The following XKR7 variants were observed in gnomAD, a reference collection of about 807,000 sequenced individuals.
XKR7 encodes XK related 7, also known as XK-related protein 7.
A neutral mutation model predicts 42.2 loss-of-function variants in XKR7; 11 were observed. That is an observed-to-expected ratio of 0.26 (90% CI 0.16 to 0.43). The LOEUF (loss-of-function observed/expected upper bound fraction) is 0.43, where lower values mean the gene tolerates loss of function less well. Ranked by LOEUF, XKR7 falls within the 20% of genes least tolerant of loss-of-function variation. The pLI is 1.00. For synonymous variants in XKR7, 346 were observed against 366.4 expected (o/e 0.94, Z 0.64); for missense variants, 710 against 802.2 (o/e 0.89, Z 1.39).
chr20:31,993,861 G>T (rs1453529855), intron 1 of XKR7, among the ~76,000 whole-genome samples: 2 of 152,230 alleles, frequency 1.3e-5, no homozygotes, highest in African/African-American at 4.8e-5. Context: ...CAAAAGCTGA[G>T]CCTTGGAAGA....
At chr20:31,982,886 AC>A (rs2064519961) in intron 1 of XKR7, among the ~76,000 whole-genome samples, 1 of 152,100 alleles carries the variant, frequency 6.6e-6, no homozygotes, top group Non-Finnish European at 1.5e-5. Context: ...GCTCCTTGAA[AC>A]CTTCCATTGA....
intron 1 of XKR7, among the ~76,000 whole-genome samples, chr20:31,972,457 G>A (rs1342504180): frequency 6.6e-6 from 1 of 152,196 alleles, no homozygotes; most frequent in Non-Finnish European, 1.5e-5. Flanking sequence ...AGCTGGCTGT[G>A]GCCTGGACAC....
chr20:31,978,742 G>T (rs768362392), intron 1 of XKR7, among the ~76,000 whole-genome samples: 11 of 152,190 alleles, frequency 7.2e-5, no homozygotes, highest in Non-Finnish European at 1.5e-4. Context: ...TGAACATGTA[G>T]GTGTTAGAGA....
intron 1 of XKR7, among the ~76,000 whole-genome samples, chr20:31,992,766 C>T (rs934256760): frequency 4.6e-5 from 7 of 152,048 alleles, no homozygotes; most frequent in African/African-American, 1.7e-4. Flanking sequence ...CAGAGAGAGT[C>T]CCAGAATATT....
chr20:31,975,718 A>C (rs879697545), intron 1 of XKR7, among the ~76,000 whole-genome samples: 1 of 32,232 alleles, frequency 3.1e-5, no homozygotes, highest in Non-Finnish European at 6.4e-5. Context: ...TTGGGGCGGG[A>C]GGGGTGGGGT....
chr20:31,974,073 A>T (rs2064475487), intron 1 of XKR7, among the ~76,000 whole-genome samples: 1 of 152,102 alleles, frequency 6.6e-6, no homozygotes, highest in Non-Finnish European at 1.5e-5. Context: ...CGCACCTGTA[A>T]TCCCAGCTAC....
At position 31,995,264 on chromosome 20, in the gene XKR7, C is replaced by G. The variant is rs1435711093; in HGVS notation, c.781C>G (p.Leu261Val). The G allele has an allele frequency of 1.3e-6, 2 of 1,536,230 alleles. No homozygotes were observed. The highest frequency in any genetic ancestry group is 8.7e-7 in the Non-Finnish European group (1 of 1,146,138). The change falls in exon 2 of 3, where the codon CTG becomes GTG. Residue 261 changes from leucine (L) to valine (V), a missense_variant. Physicochemically the swap from Leu to Val is conservative, Grantham distance 32 (BLOSUM62 1). Transcript: ENST00000562532. This position sits in a 1 kb window ranked among gnomAD's most constrained non-coding sequence, Gnocchi z 4.1. ...GCACCGCGGTGGCGCGCCCGACCTG[C>G]TGCCGGGTGAGCCCGCCCCTTCACC... ...LVHRGGAPDL[L>V]PALSTSASLV...
At position 31,997,617 on chromosome 20, in the gene XKR7, C is replaced by G; in HGVS notation, c.*160C>G. The G allele has an allele frequency of 1.4e-6, 1 of 704,910 alleles. No individual in the cohort carries two copies. Among genetic ancestry groups the G allele is most frequent in the Non-Finnish European group, 2.3e-6 (1 of 436,148 alleles). The allele number at this position is 704,910 out of a possible 1,614,324, so 43.7% of individuals were successfully genotyped here. The stretch of plus-strand genomic sequence containing the variant: ...TGGGTTCTTTCAGGGGAGGGGGCAG[C>G]CTTGCGGAGGCCCCAGCCCTGGGCC... On this transcript the variant is annotated 3_prime_UTR_variant, in exon 3 of 3. Coordinates refer to ENST00000562532, the MANE Select transcript of XKR7 (RefSeq NM_001011718.2).
At position 31,996,755 on chromosome 20, in the gene XKR7, G is replaced by A. The variant is rs1202662633; in HGVS notation, c.1038G>A (p.Gly346=). The change falls in exon 3 of 3, where the codon GGG becomes GGA. Residue 346 remains glycine, a synonymous_variant. Coordinates refer to ENST00000562532, the MANE Select transcript of XKR7 (RefSeq NM_001011718.2). ...TCATGACCTTCTGGGTCATCCAAGG[G>A]GAGACGGACTTCTGCATGTCCAAGT... is the stretch of plus-strand genomic sequence containing the variant. ...WCVMTFWVIQ[G]ETDFCMSKWE... The A allele has an allele frequency of 1.2e-6, 2 of 1,614,084 alleles. No individual in the cohort carries two copies. The highest frequency in any genetic ancestry group is 1.1e-5 in the South Asian group (1 of 91,076).
In XKR7 at chr20:31,996,705, A is replaced by T; in HGVS notation, c.988A>T (p.Ile330Phe). Residue 330 changes from isoleucine to phenylalanine, a missense_variant, in exon 3 of 3, where the codon ATC becomes TTC. Coordinates refer to ENST00000562532, the MANE Select transcript of XKR7 (RefSeq NM_001011718.2). Reference protein sequence around the residue: ...FASVYKLYFGIFIVAHWCVMT... With the variant: ...FASVYKLYFGFFIVAHWCVMT... ...CAGCGTCTACAAGCTCTATTTTGGC[A>T]TCTTCATCGTGGCCCACTGGTGCGT... is the stretch of plus-strand genomic sequence containing the variant. The T allele has an allele frequency of 6.2e-7, 1 of 1,611,976 alleles. No homozygotes were observed. The highest frequency in any genetic ancestry group is 8.5e-7 in the Non-Finnish European group (1 of 1,178,934).
At position 32,002,315 on chromosome 20, in the gene XKR7, A is replaced by G. The variant is rs562630061; in HGVS notation, c.*4858A>G. 2.6e-5 allele frequency: 4 copies of G among 152,204 alleles called. No individual in the cohort carries two copies. Among genetic ancestry groups the G allele is most frequent in the Admixed American group, 2.0e-4 (3 of 15,296 alleles). The allele number at this position is 152,204 out of a possible 1,614,324, so 9.4% of individuals were successfully genotyped here. ...TGCAAGGGCACCCCTGGCCAGGCTG[A>G]ATGGGTGGGGGTCCCAGGGCACCTG... On this transcript the variant is annotated 3_prime_UTR_variant, in exon 3 of 3. Coordinates refer to ENST00000562532, the MANE Select transcript of XKR7 (RefSeq NM_001011718.2).
chr20:31,986,839 G>A (rs2064543785), intron 1 of XKR7, among the ~76,000 whole-genome samples: 1 of 145,160 alleles, frequency 6.9e-6, no homozygotes, highest in Non-Finnish European at 1.5e-5. Flanking sequence ...CCAAGACACA[G>A]ACAGACAGAC....
chr20:31,977,378 T>C (rs1331627272), intron 1 of XKR7, among the ~76,000 whole-genome samples: 1 of 152,028 alleles, frequency 6.6e-6, no homozygotes, highest in African/African-American at 2.4e-5. Context: ...GAAAGCAGAG[T>C]AGCTGAGAGC....
chr20:31,975,192 T>C (rs1432332218), intron 1 of XKR7, among the ~76,000 whole-genome samples: 1 of 151,740 alleles, frequency 6.6e-6, no homozygotes, highest in Non-Finnish European at 1.5e-5. Flanking sequence ...TCCAAATTCC[T>C]CCCCTGGGAA....
intron 1 of XKR7, among the ~76,000 whole-genome samples, chr20:31,971,597 G>A (rs1479458655): frequency 6.6e-6 from 1 of 152,190 alleles, no homozygotes; most frequent in Non-Finnish European, 1.5e-5. Context: ...GAGTGGTGGG[G>A]CCTGGGGTAA....
chr20:31,994,441 G>C (rs562496270), intron 1 of XKR7, among the ~76,000 whole-genome samples: 2 of 152,088 alleles, frequency 1.3e-5, no homozygotes, highest in Admixed American at 1.3e-4. Context: ...GGCCGTGTGC[G>C]GTGGCTCATG....
intron 1 of XKR7, among the ~76,000 whole-genome samples, chr20:31,989,449 A>G (rs1044276235): frequency 6.6e-6 from 1 of 152,148 alleles, no homozygotes; most frequent in Non-Finnish European, 1.5e-5. Flanking sequence ...GGGGAATGAC[A>G]TGATCTGACA....
At position 31,995,329 on chromosome 20, in the gene XKR7, C is replaced by CT; in HGVS notation, c.787+61dup. The CT allele has an allele frequency of 6.5e-7, 1 of 1,530,524 alleles. No homozygotes were observed. Among genetic ancestry groups the CT allele is most frequent in the South Asian group, 1.2e-5 (1 of 83,568 alleles). 94.8% of individuals were successfully genotyped at this position (1,530,524 alleles called of 1,614,324 possible). A position where few individuals can be genotyped will look rare whatever the true frequency, so the allele number is the denominator to read the frequency against. On this transcript the variant is annotated intron_variant, in intron 2 of 2. Coordinates refer to ENST00000562532, the MANE Select transcript of XKR7 (RefSeq NM_001011718.2). The surrounding 1 kb of genome is among the most constrained non-coding windows in gnomAD (Gnocchi z 4.1). ...CCACCCCACCGGGCCTTTCTCCCTG[C>CT]TTCAGGCTCCCTGGGGATGCCCTGT...
At chr20:31,996,074 G>A (rs1428784883) in intron 2 of XKR7, among the ~76,000 whole-genome samples, 1 of 151,360 alleles carries the variant, frequency 6.6e-6, no homozygotes, top group Admixed American at 6.6e-5. Context: ...TCCATGCCCG[G>A]CCTCCTCCTG....
Sources: gnomAD v4.1 joint callset for allele counts (sites outside exome capture counted in the v4.1 genomes callset) on GRCh38, gnomAD v4.1.1 for gene constraint, Gnocchi (gnomAD v3.1) non-coding constraint, MANE v1.5 for transcripts, NCBI Gene and HGNC (gene_info 2026-07-23, HGNC 2026-07-21) for gene names.